Variants in OR5BS1 observed in about 807,000 individuals in gnomAD.
OR5BS1 encodes olfactory receptor 5BS1.
the OR5BS1 span, among the ~76,000 whole-genome samples, chr12:48,562,299 A>T: frequency 1.3e-5 from 2 of 152,226 alleles, no homozygotes; most frequent in Non-Finnish European, 1.5e-5. Context: ...AATAATGACG[A>T]TATTTTAAAC....
the OR5BS1 span, chr12:48,562,719 G>A: frequency 2.5e-6 from 1 of 399,874 alleles, no homozygotes; most frequent in African/African-American, 2.1e-5. Flanking sequence ...TGCAGGGAGG[G>A]GATGAATTAT....
At chr12:48,560,223 CCTCT>C in the OR5BS1 span, 2 of 401,276 alleles carry the variant, frequency 5.0e-6, no homozygotes, top group Non-Finnish European at 4.4e-6. Context: ...AGGCTTGCCT[CCTCT>C]CGGTCATGGC....
At chr12:48,561,186 T>C in the OR5BS1 span, among the ~76,000 whole-genome samples, 5 of 152,114 alleles carry the variant, frequency 3.3e-5, no homozygotes, top group East Asian at 7.7e-4. Flanking sequence ...AAGATAAAGA[T>C]TTTTCTACTT....
the OR5BS1 span, among the ~76,000 whole-genome samples, chr12:48,561,368 A>G: frequency 1.1e-4 from 17 of 152,322 alleles, no homozygotes; most frequent in African/African-American, 3.8e-4. Flanking sequence ...CTAGCCATTT[A>G]CTATACACAA....
At chr12:48,560,060 ACTT>A in the OR5BS1 span, 1 of 403,570 alleles carries the variant, frequency 2.5e-6, no homozygotes, top group Non-Finnish European at 4.4e-6. Context: ...ACCCCTATGT[ACTT>A]CTTCCTGAGA....
chr12:48,562,345 T>C, the OR5BS1 span, among the ~76,000 whole-genome samples: 2 of 152,318 alleles, frequency 1.3e-5, no homozygotes, highest in East Asian at 3.9e-4. Flanking sequence ...CATCACAAGG[T>C]GAGAACATTG....
the OR5BS1 span, chr12:48,562,902 G>T: frequency 5.0e-6 from 2 of 401,816 alleles, no homozygotes; most frequent in East Asian, 7.1e-5. Context: ...AGAGCCAGGA[G>T]GTAAAGGTGG....
At chr12:48,560,043 C>T in the OR5BS1 span, 2 of 403,232 alleles carry the variant, frequency 5.0e-6, no homozygotes, top group East Asian at 3.5e-5. Flanking sequence ...CTGATTCCCA[C>T]CTCTGCACCC....
chr12:48,561,047 G>A, the OR5BS1 span, among the ~76,000 whole-genome samples: 3 of 150,866 alleles, frequency 2.0e-5, no homozygotes, highest in South Asian at 4.2e-4. Flanking sequence ...AGGTTGCAGT[G>A]AGCGGAAATT....
At chr12:48,562,947 T>TC in the OR5BS1 span, 1 of 401,176 alleles carries the variant, frequency 2.5e-6, no homozygotes, top group Non-Finnish European at 4.4e-6. Context: ...AGTCCAGGCT[T>TC]CCCTTGTAGC....
At chr12:48,561,102 A>C in the OR5BS1 span, among the ~76,000 whole-genome samples, 4 of 57,392 alleles carry the variant, frequency 7.0e-5, no homozygotes, top group African/African-American at 2.5e-4. Context: ...GACTAGGTCA[A>C]AAAAAAAAAA....
chr12:48,562,454 G>A, the OR5BS1 span, among the ~76,000 whole-genome samples: 1 of 152,198 alleles, frequency 6.6e-6, no homozygotes, highest in African/African-American at 2.4e-5. Flanking sequence ...CTATGGAAAT[G>A]TATGATATTA....
At chr12:48,560,422 C>T in the OR5BS1 span, 1 of 401,528 alleles carries the variant, frequency 2.5e-6, no homozygotes, top group African/African-American at 2.0e-5. Flanking sequence ...TGCCTGCGAG[C>T]TTCCTCCGGT....
the OR5BS1 span, among the ~76,000 whole-genome samples, chr12:48,560,808 A>G: frequency 6.6e-6 from 1 of 152,238 alleles, no homozygotes; most frequent in Non-Finnish European, 1.5e-5. Flanking sequence ...TGAATTGTAA[A>G]GAATCTATTT....
At chr12:48,561,848 C>T in the OR5BS1 span, among the ~76,000 whole-genome samples, 2 of 152,204 alleles carry the variant, frequency 1.3e-5, no homozygotes, top group Non-Finnish European at 2.9e-5. Context: ...CTTCATCTCC[C>T]TTTGTCTCAG....
chr12:48,560,550 G>T, the OR5BS1 span: 1 of 401,794 alleles, frequency 2.5e-6, no homozygotes, highest in South Asian at 1.3e-4. Context: ...GTATCATCAT[G>T]ACAGCCCTGA....
At chr12:48,560,759 C>T in the OR5BS1 span, 1 of 397,874 alleles carries the variant, frequency 2.5e-6, no homozygotes, top group South Asian at 1.4e-4. Flanking sequence ...ATTCAAAAGG[C>T]CTAGGCTCTA....
the OR5BS1 span, among the ~76,000 whole-genome samples, chr12:48,560,841 G>A: frequency 6.6e-6 from 1 of 152,178 alleles, no homozygotes; most frequent in Non-Finnish European, 1.5e-5. Context: ...AGTGGCTCAT[G>A]CCTGTAACCC....
the OR5BS1 span, among the ~76,000 whole-genome samples, chr12:48,561,766 G>GA: frequency 1.8e-3 from 275 of 150,890 alleles, 1 homozygote; most frequent in African/African-American, 6.2e-3. Flanking sequence ...GGCTAGGAGA[G>GA]AAAAAAAAAT....
Sources: gnomAD v4.1 joint callset for allele counts (sites outside exome capture counted in the v4.1 genomes callset) on GRCh38, gnomAD v4.1.1 for gene constraint, MANE v1.5 for transcripts, NCBI Gene and HGNC (gene_info 2026-07-23, HGNC 2026-07-21) for gene names.